Variants in DNAH11 observed in about 807,000 individuals in gnomAD.
DNAH11 encodes the protein dynein axonemal heavy chain 11.
In DNAH11, 442 loss-of-function variants were observed where a neutral mutation model predicts 526.0. That is an observed-to-expected ratio of 0.84 (90% CI 0.78 to 0.91). DNAH11 has a LOEUF of 0.91. DNAH11 is among the 40% of genes least tolerant of loss of function. The pLI is 0.00. For synonymous variants in DNAH11, 2,461 were observed against 1,935.9 expected (o/e 1.27, Z -7.12); for missense variants, 6,989 against 5,448.7 (o/e 1.28, Z -8.90).
At position 21,816,527 on chromosome 7, in the gene DNAH11, A is replaced by T; in HGVS notation, c.10393A>T (p.Ile3465Phe). The change falls in exon 64 of 82, where the codon ATT (isoleucine) becomes TTT (phenylalanine). Residue 3465 changes from isoleucine (I) to phenylalanine (F), a missense_variant. By Grantham distance (21) the Ile-to-Phe change is conservative. Transcript: ENST00000409508. ...ATCCATGTTGACGGATGATGCTACAATTGCCGCCTGGAATAACGAAGGACT... is the reference window on the plus strand; with the variant it reads ...ATCCATGTTGACGGATGATGCTACATTTGCCGCCTGGAATAACGAAGGACT... ...LISMLTDDAT[I>F]AAWNNEGLPS... 6.2e-7 allele frequency: 1 copy of T among 1,612,694 alleles called. No individual in the cohort carries two copies.
intron 36 of DNAH11, among the ~76,000 whole-genome samples, chr7:21,702,361 C>T (rs1042674741): frequency 7.2e-5 from 11 of 152,066 alleles, no homozygotes; most frequent in African/African-American, 2.4e-4. Context: ...GAGAAATGTG[C>T]TTCTGGTTGG....
At chr7:21,715,923 T>C (rs1784647150) in intron 42 of DNAH11, among the ~76,000 whole-genome samples, 1 of 150,294 alleles carries the variant, frequency 6.7e-6, no homozygotes, top group Non-Finnish European at 1.5e-5. Flanking sequence ...CTGGTTTGGT[T>C]GGACTGACTT....
At chr7:21,824,983 T>G (rs1353470632) in intron 65 of DNAH11, among the ~76,000 whole-genome samples, 2 of 152,180 alleles carry the variant, frequency 1.3e-5, no homozygotes, top group African/African-American at 2.4e-5. Context: ...GTGATTCTCC[T>G]GCCTCAGCCT....
At chr7:21,728,168 C>A (rs1199604490) in intron 45 of DNAH11, among the ~76,000 whole-genome samples, 2 of 150,946 alleles carry the variant, frequency 1.3e-5, no homozygotes. Context: ...CAATGTGCCG[C>A]CTTGACCCCC....
rs78152348 is a variant in DNAH11, at chr7:21,710,595, A to C, written c.6726A>C (p.Leu2242=). 2 of 1,612,928 alleles carry C rather than the reference A, an allele frequency of 1.2e-6. No individual in the cohort carries two copies. Among genetic ancestry groups the C allele is most frequent in the African/African-American group, 1.3e-5 (1 of 75,024 alleles). Residue 2242 remains leucine (L), a synonymous_variant, in exon 41 of 82, where the codon CTA becomes CTC. Transcript: ENST00000409508. ...SYFIGLFSSI[L]REQANLKHDG... is the part of the protein sequence containing the mutation. The stretch of plus-strand genomic sequence containing the variant: ...TTATAGGTCTCTTCTCATCCATTCT[A>C]CGAGAACAAGCAAATCTTAAGCATG...
Position 21,591,221 on chromosome 7 carries a change from A to C in DNAH11, c.2311A>C (p.Asn771His). 6.4e-7 allele frequency: 1 copy of C among 1,572,706 alleles called. No homozygotes were observed. Among genetic ancestry groups the C allele is most frequent in the South Asian group, 1.2e-5 (1 of 84,036 alleles). Residue 771 changes from asparagine to histidine, a missense_variant, in exon 14 of 82, where the codon AAT (asparagine) becomes CAT (histidine). By Grantham distance (68) the Asn-to-His change is moderately conservative. Transcript: ENST00000409508. ...GNLDLLVQGY[N>H]KLKQTLLEVE... ...TCTTGACCTTCTTGTGCAAGGGTAT[A>C]ATAAACTCAAACAGACGCTCCTGGA...
Position 21,600,794 on chromosome 7 carries a change from T to G in DNAH11, c.3119T>G (p.Leu1040Arg). 6.2e-7 allele frequency: 1 copy of G among 1,613,882 alleles called. No homozygotes were observed. Among genetic ancestry groups the G allele is most frequent in the Non-Finnish European group, 8.5e-7 (1 of 1,179,848 alleles). The change falls in exon 16 of 82, where the codon CTC becomes CGC. Residue 1040 changes from leucine (L) to arginine (R), a missense_variant. By Grantham distance (102) the Leu-to-Arg change is moderately radical. Transcript: ENST00000409508. ...FRNTLETHTY[L>R]WVDDRAEFMK... Reference sequence around the variant, plus strand: ...AACACCCTGGAGACCCACACTTACCTCTGGGTGGATGATCGAGCTGAGTTT... The same window carrying G: ...AACACCCTGGAGACCCACACTTACCGCTGGGTGGATGATCGAGCTGAGTTT...
chr7:21,788,841 T>A (rs1788309135), intron 60 of DNAH11, among the ~76,000 whole-genome samples: 1 of 152,254 alleles, frequency 6.6e-6, no homozygotes, highest in Non-Finnish European at 1.5e-5. Context: ...TATGACAAAT[T>A]GATTTTAATA....
chr7:21,728,237 C>CTTTTATTTTTTTTT (rs1785218803), intron 45 of DNAH11, among the ~76,000 whole-genome samples: 1 of 58,870 alleles, frequency 1.7e-5, no homozygotes, highest in African/African-American at 7.7e-5. Flanking sequence ...GCCCACAATT[C>CTTTTATTTTTTTTT]TTTTTTTTTT....
rs145788835 is a variant in DNAH11 at position 21,661,717 on chromosome 7, A to G, written c.5328+2686A>G. Reference sequence around the variant, plus strand: ...TTAGCTATGTGACTATGGACAAGCTATTTAGCTACTCTATGCCTTAGTTTT... The same window carrying G: ...TTAGCTATGTGACTATGGACAAGCTGTTTAGCTACTCTATGCCTTAGTTTT... On this transcript the variant is annotated intron_variant, in intron 30 of 81. Coordinates refer to ENST00000409508, the MANE Select transcript of DNAH11 (RefSeq NM_001277115.2). Among the ~76,000 whole-genome samples the G allele has an allele frequency of 7.8e-4, 119 of 152,270 alleles. No homozygotes were observed. The East Asian group carries it at 0.02, about 26-fold the overall frequency.
chr7:21,796,074 A>G (rs1418011049), intron 61 of DNAH11, among the ~76,000 whole-genome samples: 1 of 152,190 alleles, frequency 6.6e-6, no homozygotes, highest in African/African-American at 2.4e-5. Context: ...CACACGGGAA[A>G]TTGCAAGGTG....
chr7:21,571,309 C>G (rs1378577532), intron 7 of DNAH11, among the ~76,000 whole-genome samples: 1 of 152,116 alleles, frequency 6.6e-6, no homozygotes, highest in African/African-American at 2.4e-5. Flanking sequence ...GAGACAGGGT[C>G]TCATTCTGTC....
intron 30 of DNAH11, among the ~76,000 whole-genome samples, chr7:21,671,172 G>GT (rs1408900373): frequency 6.6e-6 from 1 of 152,070 alleles, no homozygotes; most frequent in Non-Finnish European, 1.5e-5. Flanking sequence ...CAGCTGTTTA[G>GT]TTTTTTGGGC....
chr7:21,725,677 C>G (rs1229650077), intron 44 of DNAH11, 134 bp from the exon 45 acceptor site: 1 of 811,948 alleles, frequency 1.2e-6, no homozygotes, highest in African/African-American at 1.7e-5. Context: ...AATTATTTCA[C>G]AAAATTTGTG....
intron 25 of DNAH11, among the ~76,000 whole-genome samples, chr7:21,630,494 C>G (rs1407175295): frequency 6.6e-6 from 1 of 152,104 alleles, no homozygotes; most frequent in Non-Finnish European, 1.5e-5. Flanking sequence ...TTTTGTAAAA[C>G]TATTCTGGTG....
Position 21,773,830 on chromosome 7 carries a change from G to A in DNAH11, c.9167G>A (p.Ser3056Asn), listed in dbSNP as rs1228434734. ...GTTCACACCACTGTAAATGAAATGAGTACCAGATATTACCAGAATGAGAGA... is the reference window on the plus strand; with the variant it reads ...GTTCACACCACTGTAAATGAAATGAATACCAGATATTACCAGAATGAGAGA... ...AHVHTTVNEM[S>N]TRYYQNERRH... Residue 3056 changes from serine to asparagine, a missense_variant, in exon 56 of 82, where the codon AGT becomes AAT. Physicochemically the swap from Ser to Asn is conservative, Grantham distance 46. Coordinates refer to ENST00000409508, the MANE Select transcript of DNAH11 (RefSeq NM_001277115.2). 6.2e-7 allele frequency: 1 copy of A among 1,608,864 alleles called. No individual in the cohort carries two copies. Among genetic ancestry groups the A allele is most frequent in the South Asian group, 1.1e-5 (1 of 89,514 alleles).
At chr7:21,669,533 A>G (rs150968113) in intron 30 of DNAH11, among the ~76,000 whole-genome samples, 1 of 152,170 alleles carries the variant, frequency 6.6e-6, no homozygotes, top group East Asian at 1.9e-4. Context: ...TTGTTCGAAA[A>G]TGGACTACTC....
In DNAH11 at chr7:21,617,731, C is replaced by T. The variant is rs1785846552; in HGVS notation, c.4208C>T (p.Pro1403Leu). The T allele has an allele frequency of 6.2e-7, 1 of 1,611,642 alleles. No homozygotes were observed. Among genetic ancestry groups the T allele is most frequent in the Non-Finnish European group, 8.5e-7 (1 of 1,178,944 alleles). The stretch of plus-strand genomic sequence containing the variant: ...AGGGCCATCACAGAGTTACAGAGCC[C>T]TGCCCTCAGGGACAGGCATTGGCAC... The part of the protein sequence containing the change: ...SLRAITELQS[P>L]ALRDRHWHQL... Residue 1403 changes from proline to leucine, a missense_variant, in exon 23 of 82, where the codon CCT becomes CTT. Coordinates refer to ENST00000409508, the MANE Select transcript of DNAH11 (RefSeq NM_001277115.2).
intron 44 of DNAH11, 132 bp downstream of exon 44, chr7:21,720,988 A>T: frequency 8.6e-7 from 1 of 1,163,678 alleles, no homozygotes; most frequent in Non-Finnish European, 1.1e-6. Context: ...TTCTCTCCTA[A>T]GTCTATGCAT....
Sources: allele counts gnomAD v4.1 joint callset (sites outside exome capture counted in the v4.1 genomes callset), GRCh38; gene constraint gnomAD v4.1.1; transcripts MANE v1.5; gene names NCBI Gene and HGNC (gene_info 2026-07-23, HGNC 2026-07-21).